Variants in OMA1 observed in about 807,000 individuals in gnomAD.
The protein encoded by OMA1 is OMA1 zinc metallopeptidase.
OMA1 carries 38 observed loss-of-function variants against 30.9 expected under a neutral mutation model. The observed-to-expected ratio is 1.23, with a 90% CI of 0.95 to 1.61. The LOEUF is 1.61. Ranked by LOEUF, OMA1 falls within the 40% of genes most tolerant of loss-of-function variation. The probability of loss-of-function intolerance (pLI) is 0.00; values close to 1 mark genes in which losing one functional copy is unlikely to be tolerated. For missense variants in OMA1, 461 were observed against 349.2 expected (o/e 1.32, Z -2.55); for synonymous variants, 173 against 121.9 (o/e 1.42, Z -2.76).
At chr1:58,541,647 AAC>A (rs1646622164) in intron 1 of OMA1, 1 of 149,794 alleles carries the variant, frequency 6.7e-6, no homozygotes, top group Non-Finnish European at 1.5e-5. Flanking sequence ...AAAAACCAAA[AAC>A]AAAAAACAAA....
intron 8 of OMA1, among the ~76,000 whole-genome samples, chr1:58,484,281 T>A (rs1557435480): frequency 6.6e-6 from 1 of 152,130 alleles, no homozygotes; most frequent in Non-Finnish European, 1.5e-5. Context: ...AACTTTTCTT[T>A]AAAAAAATCT....
chr1:58,535,558 T>TGCAGTACA (rs1163425545), intron 3 of OMA1, among the ~76,000 whole-genome samples: 1 of 139,200 alleles, frequency 7.2e-6, no homozygotes, highest in Non-Finnish European at 1.5e-5. Context: ...ATGGCACCAC[T>TGCAGTACA]GCAGTACAGC....
intron 1 of OMA1, among the ~76,000 whole-genome samples, chr1:58,544,269 T>G (rs1055454431): frequency 6.6e-6 from 1 of 152,242 alleles, no homozygotes; most frequent in Non-Finnish European, 1.5e-5. Flanking sequence ...TTATTATTCA[T>G]TCATTCTGAA....
intron 7 of OMA1, among the ~76,000 whole-genome samples, chr1:58,511,561 C>T (rs1000552135): frequency 2.6e-5 from 4 of 151,872 alleles, no homozygotes; most frequent in African/African-American, 4.8e-5. Context: ...CCTGGGAAGT[C>T]GAGGCTAGAG....
rs768167846 is a variant in OMA1 at position 58,506,172 on chromosome 1, T to C, written c.1253A>G (p.Gln418Arg). Residue 418 changes from glutamine to arginine, a missense_variant, in exon 8 of 9, where the codon CAG (glutamine) becomes CGG (arginine). By Grantham distance (43) the Gln-to-Arg change is conservative. Transcript: ENST00000371226. ...ADIRASSVFW[Q>R]QMEFVDSLHG... ...CAGGCTATCAACGAACTCCATTTGC[T>C]GCCAAAACACTGAACTGGCTCTTAT... 3 of 872,162 alleles carry C rather than the reference T, an allele frequency of 3.4e-6. No homozygotes were observed. Among genetic ancestry groups the C allele is most frequent in the Middle Eastern group, 2.2e-4 (1 of 4,608 alleles). The allele number at this position is 872,162 out of a possible 1,614,324, so 54.0% of individuals were successfully genotyped here.
At chr1:58,515,062 C>T (rs924322158) in intron 7 of OMA1, among the ~76,000 whole-genome samples, 2 of 152,172 alleles carry the variant, frequency 1.3e-5, no homozygotes, top group African/African-American at 2.4e-5. Context: ...CTACCAGAAA[C>T]TAGTTCATTT....
intron 8 of OMA1, among the ~76,000 whole-genome samples, chr1:58,495,019 C>T (rs1434294193): frequency 6.6e-6 from 1 of 152,124 alleles, no homozygotes; most frequent in East Asian, 1.9e-4. Context: ...GGAACCAACC[C>T]AAACGTCCAA....
intron 7 of OMA1, among the ~76,000 whole-genome samples, chr1:58,523,708 G>A (rs1330172179): frequency 1.3e-5 from 2 of 152,114 alleles, no homozygotes; most frequent in African/African-American, 4.8e-5. Flanking sequence ...GACCATCCTG[G>A]CTAACACGGT....
At chr1:58,534,405 A>G (rs959931803) in intron 3 of OMA1, 74 bp from the exon 4 acceptor site, 7 of 668,890 alleles carry the variant, frequency 1.0e-5, no homozygotes, top group Non-Finnish European at 1.8e-5. Context: ...GGAAAGTTAT[A>G]TGGCTACTTA....
intron 1 of OMA1, among the ~76,000 whole-genome samples, chr1:58,540,786 C>T (rs1312602293): frequency 6.6e-6 from 1 of 150,988 alleles, no homozygotes; most frequent in Admixed American, 6.6e-5. Context: ...TAACTGAAGT[C>T]CCCAAAAAGC....
At chr1:58,523,821 G>C (rs1479975223) in intron 7 of OMA1, among the ~76,000 whole-genome samples, 1 of 152,010 alleles carries the variant, frequency 6.6e-6, no homozygotes, top group South Asian at 2.1e-4. Flanking sequence ...ATGGTGTGAA[G>C]CTGGGAGGCA....
intron 8 of OMA1, among the ~76,000 whole-genome samples, chr1:58,485,735 T>C (rs1235531691): frequency 6.6e-6 from 1 of 152,170 alleles, no homozygotes; most frequent in African/African-American, 2.4e-5. Flanking sequence ...TTTCCTACCA[T>C]ATAGCTAGAA....
At chr1:58,545,126 T>A (rs1270879871) in intron 1 of OMA1, among the ~76,000 whole-genome samples, 1 of 152,076 alleles carries the variant, frequency 6.6e-6, no homozygotes, top group Non-Finnish European at 1.5e-5. Flanking sequence ...CAACCCTCCT[T>A]CACCCATTCC....
chr1:58,494,909 G>C (rs912868296), intron 8 of OMA1, among the ~76,000 whole-genome samples: 159 of 152,170 alleles, frequency 1.0e-3, no homozygotes, highest in African/African-American at 3.1e-3. Context: ...CCCAGCCATC[G>C]CATTACTGGG....
chr1:58,528,996 T>TA (rs779366124), intron 6 of OMA1, among the ~76,000 whole-genome samples: 81 of 152,040 alleles, frequency 5.3e-4, no homozygotes, highest in Non-Finnish European at 1.1e-3. Flanking sequence ...GATTCCATTA[T>TA]AAAAAAAAGC....
At chr1:58,545,330 C>T (rs1646683630) in intron 1 of OMA1, among the ~76,000 whole-genome samples, 1 of 152,180 alleles carries the variant, frequency 6.6e-6, no homozygotes, top group Non-Finnish European at 1.5e-5. Context: ...CCCAACACTA[C>T]GCATATATAA....
rs912532425 is a variant in OMA1, at chr1:58,531,179, T to C, written c.1012-450A>G. Among the ~76,000 whole-genome samples the C allele has an allele frequency of 1.2e-4, 19 of 152,186 alleles. No individual in the cohort carries two copies. In the East Asian group the frequency reaches 3.7e-3, roughly 29 times the overall value. On this transcript the variant is annotated intron_variant, in intron 5 of 8. Transcript: ENST00000371226. The stretch of plus-strand genomic sequence containing the variant: ...TCATTTTAAAAAATCAAGTAAATGT[T>C]TTATTTTACTAATATTTTTGGATAA...
intron 1 of OMA1, among the ~76,000 whole-genome samples, chr1:58,541,857 T>A (rs1557461263): frequency 6.6e-6 from 1 of 152,112 alleles, no homozygotes; most frequent in Non-Finnish European, 1.5e-5. Context: ...ATAAAGTCAA[T>A]AAACAAAATA....
intron 8 of OMA1, among the ~76,000 whole-genome samples, chr1:58,488,960 G>T (rs1007842707): frequency 2.6e-5 from 4 of 152,186 alleles, no homozygotes; most frequent in African/African-American, 9.7e-5. Context: ...ATATATTCCT[G>T]CTGGAGCCAA....
Sources: gnomAD v4.1 joint callset for allele counts (sites outside exome capture counted in the v4.1 genomes callset) on GRCh38, gnomAD v4.1.1 for gene constraint, MANE v1.5 for transcripts, NCBI Gene and HGNC (gene_info 2026-07-23, HGNC 2026-07-21) for gene names.